The following DPF3 variants were observed in gnomAD, a reference collection of about 807,000 sequenced individuals.
DPF3 encodes the protein double PHD fingers 3.
In DPF3, 18 loss-of-function variants were observed where a neutral mutation model predicts 56.8. That is an observed-to-expected ratio of 0.32 (90% CI 0.22 to 0.47). DPF3 has a LOEUF of 0.47. DPF3 is among the 20% of genes least tolerant of loss of function. The pLI is 1.00. For missense variants in DPF3, 403 were observed against 488.8 expected, an observed-to-expected ratio of 0.82 and a Z score of 1.65; for synonymous variants, 188 against 180.2, an observed-to-expected ratio of 1.04 and a Z score of -0.35.
intron 1 of DPF3, among the ~76,000 whole-genome samples, chr14:72,850,329 CCCTATTCTTCGTCT>C: frequency 6.6e-6 from 1 of 152,206 alleles, no homozygotes; most frequent in Admixed American, 6.5e-5. Flanking sequence ...CCCACCAACT[CCCTATTCTTCGTCT>C]CCTACAGGTT....
chr14:72,880,052 A>G (rs1886269091), intron 1 of DPF3: 1 of 1,254,048 alleles, frequency 8.0e-7, no homozygotes, highest in Non-Finnish European at 1.1e-6. Context: ...TGTCTCCTGC[A>G]TATGGCTCAG....
chr14:72,829,745 C>G (rs957693902), intron 1 of DPF3, among the ~76,000 whole-genome samples: 22 of 149,572 alleles, frequency 1.5e-4, no homozygotes, highest in African/African-American at 5.2e-4. Flanking sequence ...TTTCACAATC[C>G]AAGATAATTT....
rs940601740 is a variant in DPF3, at chr14:72,836,416, G to A, written c.32+57641C>T. 4 of 985,442 alleles carry A rather than the reference G, an allele frequency of 4.1e-6. No homozygotes were observed. The African/African-American group carries it at 7.0e-5, about 17-fold the overall frequency. The allele number at this position is 985,442 out of a possible 1,614,324, so 61.0% of individuals were successfully genotyped here. ...AAACCCCTGGCCTACTCCAGCCACT[G>A]GATAAGCGCACCCTCCTCCATGCCT... On this transcript the variant is annotated intron_variant, in intron 1 of 10. Transcript: ENST00000556509.
intron 1 of DPF3, among the ~76,000 whole-genome samples, chr14:72,812,838 C>T (rs749192282): frequency 9.2e-5 from 14 of 152,172 alleles, no homozygotes; most frequent in Non-Finnish European, 1.6e-4. Flanking sequence ...AAACAAAAGA[C>T]GGGAAGCCAA....
intron 1 of DPF3, among the ~76,000 whole-genome samples, chr14:72,806,235 T>C (rs754642408): frequency 5.9e-5 from 9 of 152,178 alleles, no homozygotes; most frequent in Non-Finnish European, 1.0e-4. Flanking sequence ...TACTTTTTCA[T>C]AGGGACTAAT....
At chr14:72,703,761 A>G (rs1888286048) in intron 6 of DPF3, among the ~76,000 whole-genome samples, 3 of 152,124 alleles carry the variant, frequency 2.0e-5, no homozygotes, top group Non-Finnish European at 2.9e-5. Flanking sequence ...TCTTCTTACA[A>G]TGCTCAGCCC....
intron 6 of DPF3, among the ~76,000 whole-genome samples, chr14:72,701,570 G>A (rs1447500893): frequency 1.3e-5 from 2 of 152,118 alleles, no homozygotes; most frequent in Non-Finnish European, 2.9e-5. Flanking sequence ...CAGGGAGGAG[G>A]AGGAATCAGG....
At chr14:72,802,416 T>C (rs544227534) in intron 1 of DPF3, among the ~76,000 whole-genome samples, 1 of 152,186 alleles carries the variant, frequency 6.6e-6, no homozygotes, top group South Asian at 2.1e-4. Flanking sequence ...GTGCTGTGAG[T>C]CCCTGTCTCT....
At chr14:72,683,498 A>T (rs1887259716) in intron 7 of DPF3, among the ~76,000 whole-genome samples, 1 of 152,138 alleles carries the variant, frequency 6.6e-6, no homozygotes, top group Non-Finnish European at 1.5e-5. Flanking sequence ...GTCACCCGGA[A>T]GTCATTCACT....
chr14:72,771,945 C>A (rs960611513), intron 1 of DPF3, 52 bp from the exon 2 acceptor site: 1 of 1,392,432 alleles, frequency 7.2e-7, no homozygotes, highest in Non-Finnish European at 9.4e-7. Flanking sequence ...TGAAACACAC[C>A]CAGAGGGAAA....
chr14:72,780,477 G>A (rs1891926073), intron 1 of DPF3, among the ~76,000 whole-genome samples: 1 of 152,188 alleles, frequency 6.6e-6, no homozygotes, highest in Non-Finnish European at 1.5e-5. Context: ...TAGATACATT[G>A]CTTGACTGAA....
In DPF3 at chr14:72,782,650, C is replaced by T. The variant is rs1021949014; in HGVS notation, c.33-10757G>A. ...GAGTTCGAGATCAGCCTGGCCAACACAGTGAAATCCCGTCTCTACTAAAAA... is the reference window on the plus strand; with the variant it reads ...GAGTTCGAGATCAGCCTGGCCAACATAGTGAAATCCCGTCTCTACTAAAAA... On this transcript the variant is annotated intron_variant, in intron 1 of 10. Coordinates refer to ENST00000556509, the MANE Select transcript of DPF3 (RefSeq NM_001280542.3). 3.4e-4 allele frequency among the ~76,000 whole-genome samples: 52 copies of T among 152,192 alleles called. 1 individual carries two copies. The highest frequency in any genetic ancestry group is 8.5e-4 in the Admixed American group (13 of 15,296).
At chr14:72,655,296 T>C (rs1352274484) in intron 8 of DPF3, among the ~76,000 whole-genome samples, 1 of 152,132 alleles carries the variant, frequency 6.6e-6, no homozygotes, top group African/African-American at 2.4e-5. Flanking sequence ...CATATATAAA[T>C]ATAATTGTAT....
chr14:72,812,869 G>T (rs1340395338), intron 1 of DPF3, among the ~76,000 whole-genome samples: 1 of 152,208 alleles, frequency 6.6e-6, no homozygotes, highest in Admixed American at 6.5e-5. Context: ...GCTGGCGGGT[G>T]AGGCTCCCTG....
At chr14:72,817,848 C>A (rs1157502027) in intron 1 of DPF3, among the ~76,000 whole-genome samples, 1 of 152,198 alleles carries the variant, frequency 6.6e-6, no homozygotes, top group African/African-American at 2.4e-5. Context: ...ATTTTCACTT[C>A]TTTTAACTGG....
chr14:72,661,104 C>T (rs1452853200), intron 8 of DPF3: 1 of 985,134 alleles, frequency 1.0e-6, no homozygotes, highest in African/African-American at 1.7e-5. Context: ...GGTACAAACC[C>T]TACATTATGC....
chr14:72,769,823 T>C (rs1372614420), intron 2 of DPF3, among the ~76,000 whole-genome samples: 2 of 152,114 alleles, frequency 1.3e-5, no homozygotes, highest in Non-Finnish European at 2.9e-5. Flanking sequence ...CCTGGTGGTA[T>C]TCAAAAAAAT....
intron 1 of DPF3, among the ~76,000 whole-genome samples, chr14:72,881,681 G>C (rs1464654905): frequency 6.6e-6 from 1 of 152,070 alleles, no homozygotes; most frequent in Non-Finnish European, 1.5e-5. Context: ...TGAAGATTGG[G>C]AAAAATGAAG....
At position 72,612,644 on chromosome 14, in the gene DPF3, T is replaced by C. The variant is rs759701443; in HGVS notation, c.*6653A>G. Reference sequence around the variant, plus strand: ...TCAGGGTCTCAGTGGGGAGTAGACATGGAAGGGCAAACCAAGTCCGTATAA... The same window carrying C: ...TCAGGGTCTCAGTGGGGAGTAGACACGGAAGGGCAAACCAAGTCCGTATAA... On this transcript the variant is annotated 3_prime_UTR_variant, in exon 11 of 11. Transcript: ENST00000556509. 2.9e-5 allele frequency: 15 copies of C among 518,014 alleles called. No homozygotes were observed. Among genetic ancestry groups the C allele is most frequent in the Admixed American group, 7.8e-5 (4 of 51,528 alleles). 32.1% of individuals were successfully genotyped at this position (518,014 alleles called of 1,614,324 possible). A position where few individuals can be genotyped will look rare whatever the true frequency, so the allele number is the denominator to read the frequency against.
Sources: gnomAD v4.1 joint callset for allele counts (sites outside exome capture counted in the v4.1 genomes callset) on GRCh38, gnomAD v4.1.1 for gene constraint, MANE v1.5 for transcripts, NCBI Gene and HGNC (gene_info 2026-07-23, HGNC 2026-07-21) for gene names.